FNDC3B: variants seen among roughly 807,000 people sequenced by gnomAD.
FNDC3B encodes fibronectin type III domain containing 3B.
In FNDC3B, 12 loss-of-function variants were observed where a neutral mutation model predicts 151.5. The observed-to-expected ratio is 0.08, with a 90% CI of 0.05 to 0.13. The LOEUF (loss-of-function observed/expected upper bound fraction) is 0.13. FNDC3B is among the 10% of genes least tolerant of loss of function. The probability of loss-of-function intolerance (pLI) is 1.00; values close to 1 mark genes in which losing one functional copy is unlikely to be tolerated. For synonymous variants in FNDC3B, 528 were observed against 549.0 expected, an observed-to-expected ratio of 0.96 and a Z score of 0.54; for missense variants, 1,214 against 1,505.3, an observed-to-expected ratio of 0.81 and a Z score of 3.20.
intron 3 of FNDC3B, among the ~76,000 whole-genome samples, chr3:172,214,656 C>A (rs1289577805): frequency 1.3e-5 from 2 of 151,942 alleles, no homozygotes; most frequent in Non-Finnish European, 2.9e-5. Context: ...ATATTTGGTT[C>A]ATTTTTTTTT....
At chr3:172,094,878 A>T (rs1183084778) in intron 1 of FNDC3B, among the ~76,000 whole-genome samples, 2 of 151,828 alleles carry the variant, frequency 1.3e-5, no homozygotes, top group African/African-American at 4.8e-5. Context: ...TGTGCAGGGT[A>T]GAGTGGACAG....
chr3:172,108,363 A>G (rs1296631256), intron 1 of FNDC3B, among the ~76,000 whole-genome samples: 4 of 152,236 alleles, frequency 2.6e-5, no homozygotes, highest in South Asian at 2.1e-4. Flanking sequence ...TCCATTCGCA[A>G]TCATTACAAA....
At chr3:172,273,263 G>A (rs889061084) in intron 6 of FNDC3B, among the ~76,000 whole-genome samples, 1 of 152,126 alleles carries the variant, frequency 6.6e-6, no homozygotes, top group Admixed American at 6.5e-5. Context: ...CACAGTAATT[G>A]CAACTAGACA....
intron 1 of FNDC3B, among the ~76,000 whole-genome samples, chr3:172,050,847 C>T (rs1230015646): frequency 6.6e-6 from 1 of 151,860 alleles, no homozygotes; most frequent in East Asian, 1.9e-4. Context: ...CATACCATAG[C>T]TGTCATTTTT....
At chr3:172,359,456 G>A (rs1283162571) in intron 22 of FNDC3B, among the ~76,000 whole-genome samples, 1 of 152,136 alleles carries the variant, frequency 6.6e-6, no homozygotes, top group Admixed American at 6.5e-5. Context: ...TTTGTACCTA[G>A]AGTAAAGGGA....
chr3:172,291,225 T>C (rs916113957), intron 7 of FNDC3B, among the ~76,000 whole-genome samples: 1 of 152,214 alleles, frequency 6.6e-6, no homozygotes, highest in African/African-American at 2.4e-5. Flanking sequence ...TACACACACA[T>C]ATAGAACAAC....
At position 172,040,927 on chromosome 3, in the gene FNDC3B, C is replaced by T. The variant is rs1034996067; in HGVS notation, c.-29+1156C>T. Among the ~76,000 whole-genome samples, 21 of 152,248 alleles carry T rather than the reference C, an allele frequency of 1.4e-4. No individual in the cohort carries two copies. The highest frequency in any genetic ancestry group is 5.1e-4 in the African/African-American group (21 of 41,568). ...TTTGGCGGGGAGGCTTCCAGGAGTG[C>T]GCGGTCGGAGTTGGAGCTTTTGGAA... On this transcript the variant is annotated intron_variant, in intron 1 of 25. Coordinates refer to ENST00000415807, the MANE Select transcript of FNDC3B (RefSeq NM_022763.4). The surrounding 1 kb of genome is among the most constrained non-coding windows in gnomAD (Gnocchi z 6.6).
intron 3 of FNDC3B, among the ~76,000 whole-genome samples, chr3:172,178,599 G>A (rs547425031): frequency 6.6e-6 from 1 of 152,162 alleles, no homozygotes; most frequent in Non-Finnish European, 1.5e-5. Context: ...GGGGTAGCAG[G>A]AAAAGATGGG....
chr3:172,197,969 C>G (rs1037715459), intron 3 of FNDC3B, among the ~76,000 whole-genome samples: 2 of 152,140 alleles, frequency 1.3e-5, no homozygotes, highest in Admixed American at 6.5e-5. Flanking sequence ...ATAAATATTC[C>G]TTTGCTCATC....
chr3:172,383,260 G>A (rs987646683), intron 25 of FNDC3B, among the ~76,000 whole-genome samples: 1 of 152,062 alleles, frequency 6.6e-6, no homozygotes, highest in African/African-American at 2.4e-5. Context: ...TCATGATTTG[G>A]CTGTTTGTCT....
intron 1 of FNDC3B, among the ~76,000 whole-genome samples, chr3:172,098,709 T>C (rs964931097): frequency 3.3e-5 from 5 of 152,102 alleles, no homozygotes; most frequent in Admixed American, 2.0e-4. Context: ...GAAATGGAAT[T>C]GTTGAGTTTC....
rs760446690 is a variant in FNDC3B, at chr3:172,229,084, A to AACACACACAC, written c.264+2181_264+2190dup. On this transcript the variant is annotated intron_variant, in intron 4 of 25. Transcript: ENST00000415807. ...TGTCATGCAGTTGTAGAAAGAAAGA[A>AACACACACAC]ACACACACACACACACACACACACA... Among the ~76,000 whole-genome samples, 570 of 117,830 alleles carry AACACACACAC rather than the reference A, an allele frequency of 4.8e-3. 3 individuals are homozygous for AACACACACAC. Among genetic ancestry groups the AACACACACAC allele is most frequent in the African/African-American group, 0.011 (327 of 30,826 alleles). The allele number at this position is 117,830 out of a possible 152,430, so 77.3% of individuals were successfully genotyped here.
At chr3:172,154,889 G>A (rs564047722) in intron 3 of FNDC3B, among the ~76,000 whole-genome samples, 4 of 152,010 alleles carry the variant, frequency 2.6e-5, no homozygotes, top group Admixed American at 2.0e-4. Context: ...CCCACCCTGC[G>A]TGGGAACAAG....
chr3:172,141,574 G>A lies in FNDC3B; in HGVS notation c.187+8028G>A, dbSNP rs137965640. Reference sequence around the variant, plus strand: ...CTTCTGGCTGGGCATAGTGGCTCACGCCTGTAATCCCGACACTTTGGGAGG... The same window carrying A: ...CTTCTGGCTGGGCATAGTGGCTCACACCTGTAATCCCGACACTTTGGGAGG... On this transcript the variant is annotated intron_variant, in intron 3 of 25. Coordinates refer to ENST00000415807, the MANE Select transcript of FNDC3B (RefSeq NM_022763.4). Among the ~76,000 whole-genome samples, 204 of 152,294 alleles carry A rather than the reference G, an allele frequency of 1.3e-3. 2 individuals carry two copies. Among genetic ancestry groups the A allele is most frequent in the Non-Finnish European group, 1.9e-4 (13 of 68,028 alleles).
chr3:172,248,739 A>T (rs1288877139), intron 5 of FNDC3B, among the ~76,000 whole-genome samples: 1 of 148,348 alleles, frequency 6.7e-6, no homozygotes, highest in Non-Finnish European at 1.5e-5. Context: ...TTATATTTTT[A>T]TATATATAAT....
In FNDC3B at chr3:172,330,734, A is replaced by G; in HGVS notation, c.1554+19A>G. ...TGAAAATGTGAGTTTTACAGATTTT[A>G]TACTTCTCTGTGTTTTGTACGAGTC... On this transcript the variant is annotated intron_variant, in intron 13 of 25. Coordinates refer to ENST00000415807, the MANE Select transcript of FNDC3B (RefSeq NM_022763.4). 6.3e-7 allele frequency: 1 copy of G among 1,596,260 alleles called. No individual in the cohort carries two copies. The highest frequency in any genetic ancestry group is 8.6e-7 in the Non-Finnish European group (1 of 1,165,012).
At chr3:172,378,683 G>A (rs1172748710) in intron 24 of FNDC3B, among the ~76,000 whole-genome samples, 1 of 152,158 alleles carries the variant, frequency 6.6e-6, no homozygotes, top group South Asian at 2.1e-4. Flanking sequence ...AGAAATAAGG[G>A]TTAAATTCCT....
intron 1 of FNDC3B, among the ~76,000 whole-genome samples, chr3:172,057,992 G>T (rs1716996711): frequency 6.6e-6 from 1 of 151,702 alleles, no homozygotes; most frequent in Non-Finnish European, 1.5e-5. Flanking sequence ...TTGAAATTCT[G>T]AATCTCTATT....
At chr3:172,341,812 A>G (rs578185842) in intron 17 of FNDC3B, among the ~76,000 whole-genome samples, 2 of 152,340 alleles carry the variant, frequency 1.3e-5, no homozygotes, top group East Asian at 1.9e-4. Flanking sequence ...ATATGACTTT[A>G]GACTAACCTG....
Sources: allele counts gnomAD v4.1 joint callset (sites outside exome capture counted in the v4.1 genomes callset), GRCh38; gene constraint gnomAD v4.1.1; non-coding constraint Gnocchi (gnomAD v3.1); transcripts MANE v1.5; gene names NCBI Gene and HGNC (gene_info 2026-07-23, HGNC 2026-07-21).